The following GRM5 variants were observed in gnomAD, a reference collection of about 807,000 sequenced individuals.
GRM5 encodes glutamate metabotropic receptor 5.
Under a neutral mutation model 83.1 loss-of-function variants are expected in GRM5, and 19 were observed. That is an observed-to-expected ratio of 0.23 (90% CI 0.16 to 0.34). The LOEUF (loss-of-function observed/expected upper bound fraction) is 0.34, where lower values mean the gene tolerates loss of function less well. GRM5 is among the 10% of genes least tolerant of loss of function. The pLI is 1.00. For synonymous variants in GRM5, 675 were observed against 633.6 expected, an observed-to-expected ratio of 1.07 and a Z score of -0.98; for missense variants, 1,160 against 1,588.3, an observed-to-expected ratio of 0.73 and a Z score of 4.58.
chr11:88,894,012 G>A (rs1056866248), intron 2 of GRM5, among the ~76,000 whole-genome samples: 6 of 151,966 alleles, frequency 3.9e-5, no homozygotes, highest in Non-Finnish European at 8.8e-5. Context: ...TGCAGACATA[G>A]ACAAGCAAGC....
intron 2 of GRM5, among the ~76,000 whole-genome samples, chr11:88,919,826 A>G (rs1267601865): frequency 1.3e-5 from 2 of 152,072 alleles, no homozygotes; most frequent in African/African-American, 4.8e-5. Context: ...AAATTAAAAC[A>G]AAAGTTTTAA....
intron 3 of GRM5, among the ~76,000 whole-genome samples, chr11:88,780,248 G>A (rs1166764099): frequency 6.6e-6 from 1 of 152,132 alleles, no homozygotes; most frequent in East Asian, 1.9e-4. Flanking sequence ...ATACTACACT[G>A]TGCTGCTTTT....
chr11:88,874,921 A>C (rs1014228709), intron 2 of GRM5, among the ~76,000 whole-genome samples: 3 of 152,000 alleles, frequency 2.0e-5, no homozygotes, highest in African/African-American at 7.2e-5. Flanking sequence ...GAAACATGCT[A>C]ATGAATATCT....
At chr11:88,578,723 G>T (rs537766051) in intron 7 of GRM5, among the ~76,000 whole-genome samples, 1 of 152,224 alleles carries the variant, frequency 6.6e-6, no homozygotes, top group Admixed American at 6.5e-5. Context: ...TGAACGTTGA[G>T]AAATTGGAAG....
At chr11:88,860,036 A>G (rs765620147) in intron 2 of GRM5, among the ~76,000 whole-genome samples, 27 of 152,182 alleles carry the variant, frequency 1.8e-4, no homozygotes, top group Non-Finnish European at 3.2e-4. Flanking sequence ...ACTTAACTAC[A>G]TCATTGCTGA....
intron 2 of GRM5, among the ~76,000 whole-genome samples, chr11:88,882,405 A>T (rs1230217988): frequency 4.6e-5 from 7 of 150,796 alleles, no homozygotes; most frequent in African/African-American, 1.7e-4. Context: ...CAAAAAAAAA[A>T]AAAAAATTAG....
chr11:89,053,487 A>C (rs1290144575), intron 1 of GRM5, among the ~76,000 whole-genome samples: 2 of 152,350 alleles, frequency 1.3e-5, no homozygotes, highest in Non-Finnish European at 2.9e-5. Context: ...CATCAAATCT[A>C]TCAGCATCAC....
At chr11:88,605,437 C>T (rs895838221) in intron 4 of GRM5, among the ~76,000 whole-genome samples, 3 of 151,388 alleles carry the variant, frequency 2.0e-5, no homozygotes, top group African/African-American at 4.9e-5. Context: ...AGATTTATCA[C>T]CCAGTACGTC....
At chr11:89,022,503 A>C (rs1941010653) in intron 2 of GRM5, among the ~76,000 whole-genome samples, 1 of 132,774 alleles carries the variant, frequency 7.5e-6, no homozygotes. Context: ...AAAAAAAAAA[A>C]TAGACAGACG....
intron 2 of GRM5, among the ~76,000 whole-genome samples, chr11:88,945,263 A>C (rs1938242215): frequency 2.0e-5 from 3 of 152,010 alleles, no homozygotes; most frequent in Admixed American, 2.0e-4. Flanking sequence ...CAAATGAAAA[A>C]ACATTTCATG....
chr11:88,851,234 ACAGGG>A (rs1392040376), intron 2 of GRM5, among the ~76,000 whole-genome samples: 1 of 152,202 alleles, frequency 6.6e-6, no homozygotes, highest in Non-Finnish European at 1.5e-5. Flanking sequence ...TATATTTTAT[ACAGGG>A]CTCATATTCT....
chr11:88,733,506 G>A (rs1035698685), intron 3 of GRM5, among the ~76,000 whole-genome samples: 1 of 151,962 alleles, frequency 6.6e-6, no homozygotes, highest in Non-Finnish European at 1.5e-5. Context: ...TAAGCATGTT[G>A]GAGGCTAGGA....
chr11:88,748,089 T>C (rs1368985907), intron 3 of GRM5, among the ~76,000 whole-genome samples: 3 of 152,118 alleles, frequency 2.0e-5, no homozygotes, highest in Admixed American at 6.6e-5. Flanking sequence ...TAAGTGATTG[T>C]ACAACCCTGC....
chr11:88,978,474 TAAAAAAAA>T (rs200343438), intron 2 of GRM5, among the ~76,000 whole-genome samples: 5 of 97,982 alleles, frequency 5.1e-5, no homozygotes, highest in African/African-American at 1.5e-4. Flanking sequence ...CAGATGAGCT[TAAAAAAAA>T]AAAAAAAAAA....
At chr11:88,949,983 A>C (rs1354843305) in intron 2 of GRM5, among the ~76,000 whole-genome samples, 1 of 150,964 alleles carries the variant, frequency 6.6e-6, no homozygotes, top group Non-Finnish European at 1.5e-5. Context: ...TCCTGCCTCA[A>C]CCTCCCGAGT....
At chr11:88,754,200 A>G (rs548524383) in intron 3 of GRM5, among the ~76,000 whole-genome samples, 1 of 152,238 alleles carries the variant, frequency 6.6e-6, no homozygotes, top group East Asian at 1.9e-4. Context: ...ACCAAACATC[A>G]CCTGTTCTGA....
chr11:88,681,899 T>A (rs1940504916), intron 3 of GRM5, among the ~76,000 whole-genome samples: 1 of 152,000 alleles, frequency 6.6e-6, no homozygotes, highest in Non-Finnish European at 1.5e-5. Context: ...GTATACTCTT[T>A]TCTTTTTGTG....
rs752780249 is a variant in GRM5, at chr11:89,009,929, A to AAAAAAAAAAAAC, written c.661+37282_661+37283insGTTTTTTTTTTT. ...AAAAAAAAAAAAAAAAAAAAAAAAAAACACACACAAAATCAAAATGTTTAC... is the reference window on the plus strand; with the variant it reads ...AAAAAAAAAAAAAAAAAAAAAAAAAAAAAAAAAAAAACACACACACAAAATCAAAATGTTTAC... On this transcript the variant is annotated intron_variant, in intron 2 of 9. Coordinates refer to ENST00000305447, the MANE Select transcript of GRM5 (RefSeq NM_001143831.3). Among the ~76,000 whole-genome samples, 150 of 102,314 alleles carry AAAAAAAAAAAAC rather than the reference A, an allele frequency of 1.5e-3. 27 individuals are homozygous for AAAAAAAAAAAAC. Among genetic ancestry groups the AAAAAAAAAAAAC allele is most frequent in the African/African-American group, 2.3e-3 (72 of 30,904 alleles). The allele number at this position is 102,314 out of a possible 152,430, so 67.1% of individuals were successfully genotyped here.
Position 88,505,314 on chromosome 11 carries a change from A to C in GRM5, c.*3278T>G, listed in dbSNP as rs1941155712. ...ATGTACATTTTACTGGGAGACTAGC[A>C]TAGGAAATGCTTTTGTTTTTTGTTA... On this transcript the variant is annotated 3_prime_UTR_variant, in exon 10 of 10. Coordinates refer to ENST00000305447, the MANE Select transcript of GRM5 (RefSeq NM_001143831.3). 6.6e-6 allele frequency: 1 copy of C among 152,236 alleles called. No individual in the cohort carries two copies. 9.4% of individuals were successfully genotyped at this position (152,236 alleles called of 1,614,324 possible).
Sources: allele counts gnomAD v4.1 joint callset (sites outside exome capture counted in the v4.1 genomes callset), GRCh38; gene constraint gnomAD v4.1.1; transcripts MANE v1.5; gene names NCBI Gene and HGNC (gene_info 2026-07-23, HGNC 2026-07-21).